The following TPD52 variants were observed in gnomAD, a reference collection of about 807,000 sequenced individuals.
TPD52 encodes tumor protein D52, also known as prostate and colon associated protein.
In TPD52, 17 loss-of-function variants were observed where a neutral mutation model predicts 31.3. The ratio of observed to expected loss-of-function variants is 0.54; its 90% confidence interval spans 0.37 to 0.82. TPD52 has a LOEUF of 0.82. Among genes scored for constraint, TPD52 ranks in the 40% least tolerant of loss-of-function variants. TPD52 has a pLI of 0.00. For synonymous variants in TPD52, 83 were observed against 89.6 expected (o/e 0.93, Z 0.42); for missense variants, 212 against 240.1 (o/e 0.88, Z 0.77).
intron 1 of TPD52, among the ~76,000 whole-genome samples, chr8:80,085,833 C>G (rs915035867): frequency 6.6e-6 from 1 of 152,176 alleles, no homozygotes; most frequent in Admixed American, 6.5e-5. Flanking sequence ...CACAGATTAA[C>G]TAGCTGCCAG....
intron 1 of TPD52, among the ~76,000 whole-genome samples, chr8:80,168,202 A>G (rs962409076): frequency 6.6e-6 from 1 of 152,064 alleles, no homozygotes; most frequent in African/African-American, 2.4e-5. Flanking sequence ...TGGGCCTGAT[A>G]CTACAGAGCA....
chr8:80,034,719 A>G (rs955634595), downstream of TPD52: 1 of 152,208 alleles, frequency 6.6e-6, no homozygotes, highest in African/African-American at 2.4e-5. Flanking sequence ...CATGCTGGAG[A>G]GTGGTAAAGT....
chr8:80,133,605 T>C (rs534463973), intron 1 of TPD52, among the ~76,000 whole-genome samples: 27 of 152,258 alleles, frequency 1.8e-4, no homozygotes, highest in Admixed American at 1.5e-3. Flanking sequence ...ACATGAATCC[T>C]TCCCTCAGTT....
At chr8:80,060,007 G>A (rs1812340178) in intron 2 of TPD52, among the ~76,000 whole-genome samples, 1 of 151,592 alleles carries the variant, frequency 6.6e-6, no homozygotes, top group South Asian at 2.1e-4. Context: ...CTTGAACCCT[G>A]GAGGCAGAGG....
At chr8:80,171,330 G>T in intron 1 of TPD52, 95 bp downstream of exon 1, 1 of 1,525,188 alleles carries the variant, frequency 6.6e-7, no homozygotes, top group Non-Finnish European at 8.9e-7. Context: ...ACCTGCTCGA[G>T]CCGCCGGGCC....
rs1157849649 is a variant in TPD52 at position 80,046,380 on chromosome 8, G to GATA, written c.414-2173_414-2172insTAT. Among the ~76,000 whole-genome samples, 238 of 152,224 alleles carry GATA rather than the reference G, an allele frequency of 1.6e-3. 1 individual carries two copies. The highest frequency in any genetic ancestry group is 5.0e-3 in the South Asian group (24 of 4,820). On this transcript the variant is annotated intron_variant, in intron 5 of 7. Transcript: ENST00000518937. ...GCACACATCAGCTTCAATTCTATCT[G>GATA]GTTGCTGGATCCTCCCCATAATCCA...
intron 1 of TPD52, among the ~76,000 whole-genome samples, chr8:80,126,893 G>A (rs1373136917): frequency 2.6e-5 from 4 of 152,106 alleles, no homozygotes. Flanking sequence ...AGGTTGAGGT[G>A]GGAGGGTGGC....
chr8:80,114,073 C>T (rs1256142340), intron 1 of TPD52, among the ~76,000 whole-genome samples: 2 of 152,006 alleles, frequency 1.3e-5, no homozygotes, highest in Non-Finnish European at 2.9e-5. Flanking sequence ...GGTAAAACCC[C>T]GTCTCTACCA....
At chr8:80,137,819 T>A (rs2131123365) in intron 1 of TPD52, among the ~76,000 whole-genome samples, 1 of 152,338 alleles carries the variant, frequency 6.6e-6, no homozygotes. Flanking sequence ...TGGCCTGTAA[T>A]TCCAGCACTT....
intron 2 of TPD52, among the ~76,000 whole-genome samples, chr8:80,059,951 C>A (rs1292054061): frequency 6.6e-6 from 1 of 151,592 alleles, no homozygotes; most frequent in Non-Finnish European, 1.5e-5. Context: ...CGTGGTGGTG[C>A]ACGCCTGTAG....
In TPD52 at chr8:80,099,510, T is replaced by C. The variant is rs1351548509; in HGVS notation, c.20-34917A>G. On this transcript the variant is annotated intron_variant, in intron 1 of 7. Transcript: ENST00000518937. ...CAAAACTGGATGGTGGTCTAACATC[T>C]TTTTTTTTTTTTTTTTTTGAGATGA... Among the ~76,000 whole-genome samples, 27 of 89,978 alleles carry C rather than the reference T, an allele frequency of 3.0e-4. 1 individual carries two copies. The East Asian group carries it at 6.9e-3, about 23-fold the overall frequency. The allele number at this position is 89,978 out of a possible 152,430, so 59.0% of individuals were successfully genotyped here.
chr8:80,161,733 T>TATATATA (rs1491187742), intron 1 of TPD52, among the ~76,000 whole-genome samples: 3 of 28,802 alleles, frequency 1.0e-4, no homozygotes, highest in African/African-American at 6.0e-4. Flanking sequence ...TATATATATA[T>TATATATA]TTTTTTTTTT....
intron 1 of TPD52, among the ~76,000 whole-genome samples, chr8:80,164,451 A>G (rs1811579650): frequency 6.6e-6 from 1 of 152,218 alleles, no homozygotes; most frequent in South Asian, 2.1e-4. Flanking sequence ...TAAGATTTAT[A>G]CCTCACATCT....
chr8:80,093,186 T>C (rs1157275020), intron 1 of TPD52, among the ~76,000 whole-genome samples: 1 of 152,076 alleles, frequency 6.6e-6, no homozygotes, highest in Non-Finnish European at 1.5e-5. Flanking sequence ...ATAATAATAA[T>C]AATAATAAAC....
At chr8:80,083,897 T>TCCTCACAATGTTCTTA (rs1815526881) in intron 1 of TPD52, among the ~76,000 whole-genome samples, 1 of 152,168 alleles carries the variant, frequency 6.6e-6, no homozygotes, top group African/African-American at 2.4e-5. Flanking sequence ...TCACTGGCTT[T>TCCTCACAATGTTCTTA]CCTCACAATG....
chr8:80,090,956 C>T (rs1038098047), intron 1 of TPD52, among the ~76,000 whole-genome samples: 1 of 152,196 alleles, frequency 6.6e-6, no homozygotes, highest in Non-Finnish European at 1.5e-5. Flanking sequence ...GAGTTAATGT[C>T]AGCAGCCAGG....
intron 1 of TPD52, among the ~76,000 whole-genome samples, chr8:80,095,142 T>C (rs1043131890): frequency 2.0e-5 from 3 of 152,064 alleles, no homozygotes; most frequent in Non-Finnish European, 4.4e-5. Flanking sequence ...AGTAGGTGAA[T>C]GGATAATAAA....
downstream of TPD52, among the ~76,000 whole-genome samples, chr8:80,032,152 CAAAAAAAAAAAA>C (rs150988844): frequency 3.5e-5 from 2 of 56,540 alleles, no homozygotes; most frequent in Non-Finnish European, 4.9e-5. Context: ...GACTCCAGCT[CAAAAAAAAAAAA>C]AAAAAAAAAA....
chr8:80,109,243 G>C (rs577469187), intron 1 of TPD52, among the ~76,000 whole-genome samples: 181 of 152,148 alleles, frequency 1.2e-3, no homozygotes, highest in Non-Finnish European at 2.4e-3. Context: ...CTAGATTTAA[G>C]AGGTTTTTTT....
Sources: gnomAD v4.1 joint callset for allele counts (sites outside exome capture counted in the v4.1 genomes callset) on GRCh38, gnomAD v4.1.1 for gene constraint, MANE v1.5 for transcripts, NCBI Gene and HGNC (gene_info 2026-07-23, HGNC 2026-07-21) for gene names.